Variants in ZNF26 observed in about 807,000 individuals in gnomAD.
ZNF26 encodes zinc finger protein 26, also known as epididymis luminal protein 179.
ZNF26 carries 32 observed loss-of-function variants against 54.9 expected under a neutral mutation model. That is an observed-to-expected ratio of 0.58 (90% CI 0.44 to 0.78). The LOEUF is 0.78. Ranked by LOEUF, ZNF26 falls within the 30% of genes least tolerant of loss-of-function variation. The probability of loss-of-function intolerance (pLI) is 0.00; values close to 1 mark genes in which losing one functional copy is unlikely to be tolerated. For missense variants in ZNF26, 524 were observed against 634.0 expected, an observed-to-expected ratio of 0.83 and a Z score of 1.86; for synonymous variants, 221 against 209.2, an observed-to-expected ratio of 1.06 and a Z score of -0.49.
rs1446059729 is a variant in ZNF26 at position 133,023,704 on chromosome 12, T to C, written c.*12223T>C. 4 of 152,224 alleles carry C rather than the reference T, an allele frequency of 2.6e-5. No homozygotes were observed. The highest frequency in any genetic ancestry group is 1.3e-4 in the Admixed American group (2 of 15,270). 9.4% of individuals were successfully genotyped at this position (152,224 alleles called of 1,614,324 possible). A position where few individuals can be genotyped will look rare whatever the true frequency, so the allele number is the denominator to read the frequency against. On this transcript the variant is annotated 3_prime_UTR_variant, in exon 4 of 4. Coordinates refer to ENST00000328654, the MANE Select transcript of ZNF26 (RefSeq NM_019591.4). Reference sequence around the variant, plus strand: ...GTGATCTTGCCACTCCTCCCACTTATAGTCTTGCCCCATCCTTTGAGTTTT... The same window carrying C: ...GTGATCTTGCCACTCCTCCCACTTACAGTCTTGCCCCATCCTTTGAGTTTT...
chr12:132,992,194 C>T (rs1952979514), intron 1 of ZNF26, among the ~76,000 whole-genome samples: 1 of 151,322 alleles, frequency 6.6e-6, no homozygotes, highest in South Asian at 2.1e-4. Context: ...TTTTCCTTTT[C>T]TGCCTAGTTA....
At chr12:133,006,599 CTT>C (rs540336889) in intron 1 of ZNF26, 60 of 138,842 alleles carry the variant, frequency 4.3e-4, no homozygotes, top group Admixed American at 7.8e-4. Flanking sequence ...TTCTTTCTTT[CTT>C]TTTTTTTTTT....
At chr12:133,002,860 G>A (rs1221532189) in intron 1 of ZNF26, among the ~76,000 whole-genome samples, 2 of 151,916 alleles carry the variant, frequency 1.3e-5, no homozygotes, top group Non-Finnish European at 2.9e-5. Flanking sequence ...CTGACCTCAG[G>A]TGATCCACCC....
chr12:133,001,550 T>G lies in ZNF26; in HGVS notation c.34-5492T>G. 1 of 720,824 alleles carries G rather than the reference T, an allele frequency of 1.4e-6. No individual in the cohort carries two copies. Among genetic ancestry groups the G allele is most frequent in the Non-Finnish European group, 2.1e-6 (1 of 481,852 alleles). The allele number at this position is 720,824 out of a possible 1,614,324, so 44.7% of individuals were successfully genotyped here. A position where few individuals can be genotyped will look rare whatever the true frequency, so the allele number is the denominator to read the frequency against. ...GGCTCTGCCCTGCAGTTCCATGGTG[T>G]ATGTGATTCTTTCTCTCACTGCATG... On this transcript the variant is annotated intron_variant, in intron 1 of 3. Transcript: ENST00000328654. This position sits in a 1 kb window ranked among gnomAD's most constrained non-coding sequence, Gnocchi z 4.7.
At position 133,023,612 on chromosome 12, in the gene ZNF26, T is replaced by A. The variant is rs909869721; in HGVS notation, c.*12131T>A. 6.7e-6 allele frequency: 1 copy of A among 148,530 alleles called. No homozygotes were observed. The highest frequency in any genetic ancestry group is 1.5e-5 in the Non-Finnish European group (1 of 67,288). The allele number at this position is 148,530 out of a possible 1,614,324, so 9.2% of individuals were successfully genotyped here. On this transcript the variant is annotated 3_prime_UTR_variant, in exon 4 of 4. Coordinates refer to ENST00000328654, the MANE Select transcript of ZNF26 (RefSeq NM_019591.4). ...ACAATAATCAACCATGTTTTACATA[T>A]GTGGCAGATTTTATTTTCTGAAGTG...
Position 133,008,801 on chromosome 12 carries a change from A to G in ZNF26, c.256+1269A>G, listed in dbSNP as rs1328916367. ...AAAAAAAAAAAAAAAAAAAAGAAAA[A>G]CACCTGAGACTAAATTTATAAGAAA... is the stretch of plus-strand genomic sequence containing the variant. On this transcript the variant is annotated intron_variant, in intron 3 of 3. Transcript: ENST00000328654. Among the ~76,000 whole-genome samples, 3 of 151,690 alleles carry G rather than the reference A, an allele frequency of 2.0e-5. No homozygotes were observed. The East Asian group carries it at 5.8e-4, about 29-fold the overall frequency.
At chr12:132,993,468 T>A (rs976339321) in intron 1 of ZNF26, among the ~76,000 whole-genome samples, 1 of 151,892 alleles carries the variant, frequency 6.6e-6, no homozygotes, top group Admixed American at 6.6e-5. Context: ...TTTTTGTTTT[T>A]GTTTTTATTT....
rs2137286046 is a variant in ZNF26 at position 133,023,011 on chromosome 12, A to T, written c.*11530A>T. On this transcript the variant is annotated 3_prime_UTR_variant, in exon 4 of 4. Coordinates refer to ENST00000328654, the MANE Select transcript of ZNF26 (RefSeq NM_019591.4). The stretch of plus-strand genomic sequence containing the variant: ...AGTGAGTTGGAAAAAGGGAACACTA[A>T]GTAGAGGCTTCAAGTTATTTTTAAT... 1 of 152,310 alleles carries T rather than the reference A, an allele frequency of 6.6e-6. No homozygotes were observed. The highest frequency in any genetic ancestry group is 1.9e-4 in the East Asian group (1 of 5,188). 9.4% of individuals were successfully genotyped at this position (152,310 alleles called of 1,614,324 possible).
rs1356270975 is a variant in ZNF26 at position 133,013,611 on chromosome 12, C to G, written c.*2130C>G. The stretch of plus-strand genomic sequence containing the variant: ...TCTGGGAAGAACCTGAGGACTCAGC[C>G]TAGCAAACTCTTCTGATAGACTTTG... On this transcript the variant is annotated 3_prime_UTR_variant, in exon 4 of 4. Coordinates refer to ENST00000328654, the MANE Select transcript of ZNF26 (RefSeq NM_019591.4). 2.5e-5 allele frequency: 4 copies of G among 162,612 alleles called. No individual in the cohort carries two copies. The highest frequency in any genetic ancestry group is 4.1e-5 in the Non-Finnish European group (3 of 72,664). 10.1% of individuals were successfully genotyped at this position (162,612 alleles called of 1,614,324 possible).
rs1437066905 is a variant in ZNF26, at chr12:133,024,588, G to C, written c.*13107G>C. The C allele has an allele frequency of 6.6e-6, 1 of 152,154 alleles. No homozygotes were observed. Among genetic ancestry groups the C allele is most frequent in the Non-Finnish European group, 1.5e-5 (1 of 68,026 alleles). 9.4% of individuals were successfully genotyped at this position (152,154 alleles called of 1,614,324 possible). ...TGTAAAGCATTCTCAAAGTACGAAA[G>C]CTCCTCAGGGAAAAGATGTAATCCA... On this transcript the variant is annotated 3_prime_UTR_variant, in exon 4 of 4. Coordinates refer to ENST00000328654, the MANE Select transcript of ZNF26 (RefSeq NM_019591.4).
Position 133,023,935 on chromosome 12 carries a change from A to T in ZNF26, c.*12454A>T, listed in dbSNP as rs1953672724. 1 of 152,226 alleles carries T rather than the reference A, an allele frequency of 6.6e-6. No homozygotes were observed. The highest frequency in any genetic ancestry group is 6.5e-5 in the Admixed American group (1 of 15,268). 9.4% of individuals were successfully genotyped at this position (152,226 alleles called of 1,614,324 possible). A position where few individuals can be genotyped will look rare whatever the true frequency, so the allele number is the denominator to read the frequency against. On this transcript the variant is annotated 3_prime_UTR_variant, in exon 4 of 4. Transcript: ENST00000328654. ...CATAGAGAGGCTCTGAGATTACATA[A>T]AGAGATGCTTGTTCAGCCCCATATG...
In ZNF26 at chr12:133,011,348, C is replaced by G; in HGVS notation, c.1469C>G (p.Ala490Gly). The G allele has an allele frequency of 1.9e-6, 3 of 1,614,032 alleles. No individual in the cohort carries two copies. The highest frequency in any genetic ancestry group is 3.3e-5 in the Admixed American group (2 of 60,004). ...KPFKCSECGK[A>G]FTQKSSLSEH... is the part of the protein sequence containing the mutation. Reference sequence around the variant, plus strand: ...TTTAAATGCAGTGAATGTGGAAAAGCCTTCACTCAGAAGTCATCTCTCAGT... The same window carrying G: ...TTTAAATGCAGTGAATGTGGAAAAGGCTTCACTCAGAAGTCATCTCTCAGT... The change falls in exon 4 of 4, where the codon GCC (alanine) becomes GGC (glycine). Residue 490 changes from alanine (A) to glycine (G), a missense_variant. Ala to Gly is a moderately conservative substitution (Grantham distance 60). Transcript: ENST00000328654.
chr12:133,010,468 A>G lies in ZNF26; in HGVS notation c.589A>G (p.Thr197Ala). ...SQLIVHLRIH[T>A]GERPYECSKC... is the part of the protein sequence containing the mutation. ...GCTCATTGTACATCTCAGAATTCAT[A>G]CAGGAGAGAGACCTTATGAATGCAG... is the stretch of plus-strand genomic sequence containing the variant. Residue 197 changes from threonine (T) to alanine (A), a missense_variant, in exon 4 of 4, where the codon ACA becomes GCA. Transcript: ENST00000328654. The G allele has an allele frequency of 6.2e-7, 1 of 1,614,150 alleles. No homozygotes were observed.
intron 1 of ZNF26, among the ~76,000 whole-genome samples, chr12:132,999,969 C>T (rs1953175446): frequency 6.6e-6 from 1 of 152,134 alleles, no homozygotes; most frequent in Non-Finnish European, 1.5e-5. Flanking sequence ...TGCACCTGGC[C>T]TCCTAGGTTC....
chr12:132,993,682 CT>C (rs1424568450), intron 1 of ZNF26, among the ~76,000 whole-genome samples: 20 of 152,042 alleles, frequency 1.3e-4, no homozygotes, highest in Non-Finnish European at 2.5e-4. Flanking sequence ...TCTCGAATTC[CT>C]GACCTCAGGT....
intron 3 of ZNF26, among the ~76,000 whole-genome samples, chr12:133,009,684 T>C (rs1953426674): frequency 6.6e-6 from 1 of 152,230 alleles, no homozygotes; most frequent in South Asian, 2.1e-4. Flanking sequence ...CAGTGGGTTT[T>C]AGCTTTCCTG....
intron 3 of ZNF26, 145 bp from the exon 4 acceptor site, chr12:133,009,991 C>T (rs1953433403): frequency 1.2e-6 from 1 of 814,380 alleles, no homozygotes; most frequent in Non-Finnish European, 1.8e-6. Flanking sequence ...TGCCCCCATG[C>T]TTGGCCAGTA....
In ZNF26 at chr12:133,026,132, C is replaced by G. The variant is rs891044373; in HGVS notation, c.*14651C>G. ...CTTTTTTTTTTTTTTGAGATGCACT[C>G]TCACTCTTTCCCAGGCTGGAGTGCA... is the stretch of plus-strand genomic sequence containing the variant. On this transcript the variant is annotated 3_prime_UTR_variant, in exon 4 of 4. Transcript: ENST00000328654. The G allele has an allele frequency of 6.2e-4, 94 of 151,076 alleles. No homozygotes were observed. Among genetic ancestry groups the G allele is most frequent in the Middle Eastern group, 3.4e-3 (1 of 290 alleles). 9.4% of individuals were successfully genotyped at this position (151,076 alleles called of 1,614,324 possible). A position where few individuals can be genotyped will look rare whatever the true frequency, so the allele number is the denominator to read the frequency against.
rs1953356532 is a variant in ZNF26, at chr12:133,007,471, G to A, written c.195G>A (p.Lys65=). The A allele has an allele frequency of 3.7e-6, 6 of 1,613,940 alleles. No homozygotes were observed. In the African/African-American group the frequency reaches 4.0e-5, roughly 11 times the overall value. ...GTACCAAGCCTGACTTAATCTTCAA[G>A]TTGGAACAAGGAGAAGATCCATGGA... ...YHGTKPDLIF[K]LEQGEDPWII... The change falls in exon 3 of 4, where the codon AAG becomes AAA. Residue 65 remains lysine, a synonymous_variant. Transcript: ENST00000328654.
Sources: allele counts gnomAD v4.1 joint callset (sites outside exome capture counted in the v4.1 genomes callset), GRCh38; gene constraint gnomAD v4.1.1; non-coding constraint Gnocchi (gnomAD v3.1); transcripts MANE v1.5; gene names NCBI Gene and HGNC (gene_info 2026-07-23, HGNC 2026-07-21).